Variants in ZFHX3 observed in about 807,000 individuals in gnomAD.
The protein encoded by ZFHX3 is zinc finger homeobox 3, also known as zinc finger homeobox protein 3.
Under a neutral mutation model 279.1 loss-of-function variants are expected in ZFHX3, and 42 were observed. The observed-to-expected ratio is 0.15, with a 90% confidence interval of 0.12 to 0.19. The LOEUF (loss-of-function observed/expected upper bound fraction) is 0.19, where lower values mean the gene tolerates loss of function less well. Ranked by LOEUF, ZFHX3 falls within the 10% of genes least tolerant of loss-of-function variation. The pLI, the probability that ZFHX3 is intolerant of heterozygous loss-of-function variation, is 1.00. For missense variants in ZFHX3, 4,981 were observed against 4,754.0 expected, an observed-to-expected ratio of 1.05 and a Z score of -1.40; for synonymous variants, 2,293 against 1,957.8, an observed-to-expected ratio of 1.17 and a Z score of -4.52.
At chr16:73,489,433 C>CT (rs2019023862) in intron 2 of ZFHX3, among the ~76,000 whole-genome samples, 1 of 152,164 alleles carries the variant, frequency 6.6e-6, no homozygotes, top group African/African-American at 2.4e-5. Context: ...CCATTTAGGG[C>CT]TTTTTTCCAA....
In ZFHX3 at chr16:72,980,590, C is replaced by T. The variant is rs1962550037; in HGVS notation, c.-49-20396G>A. ...CCCGGGCAACAAGGTGAAACCCCAT[C>T]ACTACCAAAAGTTAAAAAAAAAAAA... On this transcript the variant is annotated intron_variant, in intron 1 of 9. Coordinates refer to ENST00000268489, the MANE Select transcript of ZFHX3 (RefSeq NM_006885.4). Among the ~76,000 whole-genome samples, 3 of 148,284 alleles carry T rather than the reference C, an allele frequency of 2.0e-5. No homozygotes were observed. In the South Asian group the frequency reaches 6.4e-4, roughly 32 times the overall value.
At chr16:73,787,876 A>AGG (rs1959701085) in intron 1 of ZFHX3, among the ~76,000 whole-genome samples, 1 of 150,886 alleles carries the variant, frequency 6.6e-6, no homozygotes, top group African/African-American at 2.4e-5. Flanking sequence ...AGAGAGAGAG[A>AGG]GAATGTAGGG....
chr16:72,982,801 C>A (rs1212299410), intron 1 of ZFHX3, among the ~76,000 whole-genome samples: 1 of 152,162 alleles, frequency 6.6e-6, no homozygotes, highest in Non-Finnish European at 1.5e-5. Context: ...CTCTTAGACC[C>A]TAGACTGCAA....
chr16:73,535,670 C>G (rs991291345), intron 2 of ZFHX3, among the ~76,000 whole-genome samples: 3 of 151,894 alleles, frequency 2.0e-5, no homozygotes, highest in Non-Finnish European at 2.9e-5. Flanking sequence ...CTTTCAATTC[C>G]TGACTCCAGC....
At chr16:73,385,925 C>G (rs2016893837) in intron 3 of ZFHX3, among the ~76,000 whole-genome samples, 1 of 151,926 alleles carries the variant, frequency 6.6e-6, no homozygotes, top group Non-Finnish European at 1.5e-5. Context: ...GGTGGCTGGG[C>G]AGGATGTGTC....
chr16:73,079,370 C>T (rs1416903260), intron 8 of ZFHX3, among the ~76,000 whole-genome samples: 1 of 151,762 alleles, frequency 6.6e-6, no homozygotes, highest in Non-Finnish European at 1.5e-5. Flanking sequence ...ACAAAAAATA[C>T]AAACATTAGA....
At chr16:73,708,811 T>G (rs780181137) in intron 1 of ZFHX3, among the ~76,000 whole-genome samples, 1 of 152,102 alleles carries the variant, frequency 6.6e-6, no homozygotes, top group Non-Finnish European at 1.5e-5. Context: ...GCGGGGGATG[T>G]AGGTAACTTA....
At chr16:73,289,265 G>C (rs1226186185) in intron 4 of ZFHX3, among the ~76,000 whole-genome samples, 1 of 151,846 alleles carries the variant, frequency 6.6e-6, no homozygotes, top group East Asian at 2.0e-4. Flanking sequence ...GGTTTTAGTT[G>C]GTGATTTAAA....
intron 3 of ZFHX3, among the ~76,000 whole-genome samples, chr16:72,895,101 T>C (rs2038866090): frequency 6.6e-6 from 1 of 152,146 alleles, no homozygotes; most frequent in Non-Finnish European, 1.5e-5. Flanking sequence ...TCTAAGTGTC[T>C]ACAACACGAG....
chr16:73,161,076 G>A (rs1229438617), intron 5 of ZFHX3, among the ~76,000 whole-genome samples: 9 of 152,066 alleles, frequency 5.9e-5, no homozygotes, highest in Admixed American at 2.0e-4. Flanking sequence ...AGGCTCAAGC[G>A]ATTCTCCTGC....
intron 8 of ZFHX3, among the ~76,000 whole-genome samples, chr16:73,066,218 A>T (rs6416748): frequency 0.77 from 116,901 of 152,172 alleles, 45,119 homozygotes; most frequent in East Asian, 0.89. Flanking sequence ...CAGTTTCCTC[A>T]GGCCCGGGCG....
intron 5 of ZFHX3, among the ~76,000 whole-genome samples, chr16:73,231,187 CCAGCA>C (rs1881987757): frequency 6.6e-6 from 1 of 152,192 alleles, no homozygotes; most frequent in African/African-American, 2.4e-5. Context: ...AGGTGCATGC[CCAGCA>C]TCACTGTGGG....
intron 1 of ZFHX3, among the ~76,000 whole-genome samples, chr16:73,821,134 G>A (rs1282777044): frequency 6.6e-6 from 1 of 152,170 alleles, no homozygotes; most frequent in Non-Finnish European, 1.5e-5. Context: ...CTAATCTGTG[G>A]ACAGTTTTAG....
chr16:73,404,099 T>C (rs1453983992), intron 3 of ZFHX3, among the ~76,000 whole-genome samples: 3 of 152,132 alleles, frequency 2.0e-5, no homozygotes, highest in African/African-American at 7.2e-5. Context: ...GAGGATTCAG[T>C]CTCCTAAGTG....
At chr16:72,869,864 A>G (rs1332602797) in intron 4 of ZFHX3, among the ~76,000 whole-genome samples, 1 of 152,248 alleles carries the variant, frequency 6.6e-6, no homozygotes. Flanking sequence ...AGGAACCACC[A>G]TAACTAACTG....
At chr16:73,030,563 A>G (rs1424828173) in intron 1 of ZFHX3, among the ~76,000 whole-genome samples, 2 of 152,244 alleles carry the variant, frequency 1.3e-5, no homozygotes, top group South Asian at 2.1e-4. Context: ...CTACAGCTCT[A>G]TTGACTCACG....
intron 7 of ZFHX3, among the ~76,000 whole-genome samples, chr16:73,094,090 C>T (rs575724656): frequency 6.6e-6 from 1 of 152,304 alleles, no homozygotes; most frequent in South Asian, 2.1e-4. Flanking sequence ...AATGCACACA[C>T]AAGCTAGGCG....
chr16:72,800,752 CACTT>C (rs1239087752), intron 7 of ZFHX3, among the ~76,000 whole-genome samples: 1 of 152,138 alleles, frequency 6.6e-6, no homozygotes, highest in African/African-American at 2.4e-5. Flanking sequence ...TTTTGTGACT[CACTT>C]AAGCCACGAT....
chr16:72,973,730 G>C (rs1002602095), intron 1 of ZFHX3: 1 of 152,186 alleles, frequency 6.6e-6, no homozygotes, highest in African/African-American at 2.4e-5. Flanking sequence ...AAATTAGCCA[G>C]GCGTAGTGGT....
Sources: gnomAD v4.1 joint callset for allele counts (sites outside exome capture counted in the v4.1 genomes callset) on GRCh38, gnomAD v4.1.1 for gene constraint, MANE v1.5 for transcripts, NCBI Gene and HGNC (gene_info 2026-07-23, HGNC 2026-07-21) for gene names.